Variants in PDE4D observed in about 807,000 individuals in gnomAD.
The protein encoded by PDE4D is phosphodiesterase 4D, also known as 3',5'-cyclic-AMP phosphodiesterase 4D.
PDE4D carries 24 observed loss-of-function variants against 87.4 expected under a neutral mutation model. That is an observed-to-expected ratio of 0.27 (90% confidence interval 0.20 to 0.39). The LOEUF (loss-of-function observed/expected upper bound fraction) is 0.39. Ranked by LOEUF, PDE4D falls within the 10% of genes least tolerant of loss-of-function variation. The probability of loss-of-function intolerance (pLI) is 1.00; values close to 1 mark genes in which losing one functional copy is unlikely to be tolerated. For missense variants in PDE4D, 714 were observed against 1,041.0 expected, an observed-to-expected ratio of 0.69 and a Z score of 4.32; for synonymous variants, 384 against 383.2, an observed-to-expected ratio of 1.00 and a Z score of -0.02.
intron 5 of PDE4D, among the ~76,000 whole-genome samples, chr5:59,068,336 T>A (rs974904911): frequency 6.6e-6 from 1 of 152,214 alleles, no homozygotes; most frequent in African/African-American, 2.4e-5. Flanking sequence ...TTTTTAAGTA[T>A]TTTTTGTTAG....
chr5:60,467,960 C>A (rs1450997076), intron 1 of PDE4D, among the ~76,000 whole-genome samples: 1 of 152,106 alleles, frequency 6.6e-6, no homozygotes, highest in African/African-American at 2.4e-5. Context: ...ATAGGGATTA[C>A]AATTTGATGT....
At chr5:59,249,635 T>C (rs1042854755) in intron 1 of PDE4D, among the ~76,000 whole-genome samples, 1 of 152,104 alleles carries the variant, frequency 6.6e-6, no homozygotes, top group African/African-American at 2.4e-5. Context: ...TGAAATAATG[T>C]TAAGTGATAT....
chr5:59,365,178 A>G (rs949573704), intron 1 of PDE4D, among the ~76,000 whole-genome samples: 6 of 152,224 alleles, frequency 3.9e-5, no homozygotes, highest in Non-Finnish European at 7.3e-5. Context: ...AGAAGAAGGT[A>G]GCCAGGTATG....
At chr5:59,947,220 C>G (rs915623171) in intron 3 of PDE4D, among the ~76,000 whole-genome samples, 14 of 152,198 alleles carry the variant, frequency 9.2e-5, no homozygotes, top group Non-Finnish European at 2.1e-4. Context: ...GGGAATATAA[C>G]TGCAGTTCTT....
At chr5:60,259,999 C>T (rs747026247) in intron 1 of PDE4D, among the ~76,000 whole-genome samples, 1 of 151,852 alleles carries the variant, frequency 6.6e-6, no homozygotes, top group Non-Finnish European at 1.5e-5. Context: ...TCAGGAAACG[C>T]CTCTTAAAGA....
intron 1 of PDE4D, among the ~76,000 whole-genome samples, chr5:59,882,013 C>G (rs1488890000): frequency 6.6e-6 from 1 of 152,136 alleles, no homozygotes; most frequent in Non-Finnish European, 1.5e-5. Context: ...TGGCCTATCC[C>G]ATTGAAGCCA....
intron 5 of PDE4D, among the ~76,000 whole-genome samples, chr5:59,156,810 T>C (rs1328318568): frequency 6.6e-6 from 1 of 152,136 alleles, no homozygotes; most frequent in Non-Finnish European, 1.5e-5. Context: ...AACCATATTC[T>C]AGCTAAAAGA....
intron 1 of PDE4D, among the ~76,000 whole-genome samples, chr5:59,379,800 A>T (rs1021863324): frequency 4.6e-5 from 7 of 152,120 alleles, no homozygotes; most frequent in African/African-American, 1.4e-4. Context: ...ATCTACAAGC[A>T]GAATTACTAA....
intron 6 of PDE4D, among the ~76,000 whole-genome samples, chr5:59,007,909 T>C (rs1751958227): frequency 6.6e-6 from 1 of 152,116 alleles, no homozygotes; most frequent in South Asian, 2.1e-4. Context: ...CCATTTTTGC[T>C]AAGAGGCTCC....
intron 1 of PDE4D, among the ~76,000 whole-genome samples, chr5:59,371,889 T>C (rs2153598775): frequency 6.6e-6 from 1 of 152,284 alleles, no homozygotes; most frequent in Non-Finnish European, 1.5e-5. Context: ...TAAAGGAGTA[T>C]TGTAAAGAAA....
chr5:59,524,615 C>A (rs1023000359), intron 1 of PDE4D, among the ~76,000 whole-genome samples: 2 of 152,170 alleles, frequency 1.3e-5, no homozygotes, highest in East Asian at 1.9e-4. Flanking sequence ...AATGAGATGC[C>A]AAATGTTAAT....
intron 2 of PDE4D, among the ~76,000 whole-genome samples, chr5:59,199,027 ATC>A (rs1230561483): frequency 6.6e-6 from 1 of 152,216 alleles, no homozygotes; most frequent in Non-Finnish European, 1.5e-5. Flanking sequence ...GGCAATCTTT[ATC>A]TGTTTTACTA....
At chr5:60,228,310 C>T (rs1195330147) in intron 1 of PDE4D, among the ~76,000 whole-genome samples, 2 of 152,088 alleles carry the variant, frequency 1.3e-5, no homozygotes, top group African/African-American at 4.8e-5. Context: ...GCTTGATATA[C>T]AGAAGATATT....
intron 1 of PDE4D, among the ~76,000 whole-genome samples, chr5:59,705,133 T>C (rs1753198575): frequency 6.6e-6 from 1 of 152,118 alleles, no homozygotes; most frequent in African/African-American, 2.4e-5. Flanking sequence ...GGGATTTTTC[T>C]TTTTTTGGAA....
At chr5:59,496,406 C>T (rs1042304669) in intron 1 of PDE4D, among the ~76,000 whole-genome samples, 3 of 152,188 alleles carry the variant, frequency 2.0e-5, no homozygotes, top group African/African-American at 7.2e-5. Context: ...TGCCTGTCCT[C>T]ACCTAGGTCC....
intron 2 of PDE4D, among the ~76,000 whole-genome samples, chr5:60,128,844 C>T (rs1779342006): frequency 6.6e-6 from 1 of 152,148 alleles, no homozygotes; most frequent in African/African-American, 2.4e-5. Context: ...ATGATCAAAA[C>T]CAAATAGCAG....
chr5:60,519,174 A>C (rs1750931181), intron 1 of PDE4D, among the ~76,000 whole-genome samples: 2 of 152,256 alleles, frequency 1.3e-5, no homozygotes, highest in Non-Finnish European at 1.5e-5. Context: ...GAGAACATTC[A>C]GCCTGACATT....
rs183714149 is a variant in PDE4D at position 59,621,409 on chromosome 5, A to G, written c.455+271759T>C. On this transcript the variant is annotated intron_variant, in intron 1 of 14. Transcript: ENST00000340635. ...CTGAGTTCTTCTTGTCACCATGGTG[A>G]CTTTAGCATCCCTGAATTATAGGTT... 2.0e-5 allele frequency among the ~76,000 whole-genome samples: 3 copies of G among 152,282 alleles called. No individual in the cohort carries two copies. The East Asian group carries it at 5.8e-4, about 29-fold the overall frequency.
At chr5:58,980,553 T>C (rs1744866744) in intron 11 of PDE4D, among the ~76,000 whole-genome samples, 1 of 152,198 alleles carries the variant, frequency 6.6e-6, no homozygotes, top group African/African-American at 2.4e-5. Context: ...TTTTATTATA[T>C]ATAGATCAAT....
Sources: gnomAD v4.1 joint callset for allele counts (sites outside exome capture counted in the v4.1 genomes callset) on GRCh38, gnomAD v4.1.1 for gene constraint, MANE v1.5 for transcripts, NCBI Gene and HGNC (gene_info 2026-07-23, HGNC 2026-07-21) for gene names.